Variants in ARIH1 observed in about 807,000 individuals in gnomAD.
ARIH1 encodes the protein ariadne RBR E3 ubiquitin protein ligase 1.
Under a neutral mutation model 85.0 loss-of-function variants are expected in ARIH1, and 8 were observed. The observed-to-expected ratio is 0.09, with a 90% CI of 0.06 to 0.17. ARIH1 has a LOEUF of 0.17. Among genes scored for constraint, ARIH1 ranks in the 10% least tolerant of loss-of-function variants. ARIH1 has a pLI of 1.00. For synonymous variants in ARIH1, 238 were observed against 253.6 expected (o/e 0.94, Z 0.59); for missense variants, 311 against 718.1 (o/e 0.43, Z 6.48).
chr15:72,558,941 G>A (rs1052453324), intron 5 of ARIH1, among the ~76,000 whole-genome samples: 1 of 152,102 alleles, frequency 6.6e-6, no homozygotes, highest in African/African-American at 2.4e-5. Flanking sequence ...TGGCAATCAA[G>A]GCATCTGACT....
chr15:72,548,538 G>A (rs1486655975), intron 3 of ARIH1, among the ~76,000 whole-genome samples: 1 of 152,126 alleles, frequency 6.6e-6, no homozygotes, highest in Non-Finnish European at 1.5e-5. Flanking sequence ...GGATAAGATA[G>A]CAAAAGGAAC....
chr15:72,538,570 C>T (rs779483814), intron 2 of ARIH1, among the ~76,000 whole-genome samples: 15 of 152,182 alleles, frequency 9.9e-5, no homozygotes, highest in Non-Finnish European at 2.1e-4. Context: ...ACTCAGGATT[C>T]AAGAAGAAGC....
At chr15:72,543,227 G>C (rs186677105) in intron 2 of ARIH1, among the ~76,000 whole-genome samples, 3 of 151,896 alleles carry the variant, frequency 2.0e-5, no homozygotes, top group Non-Finnish European at 2.9e-5. Context: ...GAGCCACCGC[G>C]GCGCCTGTAA....
chr15:72,533,799 C>A (rs1338745257), intron 2 of ARIH1, among the ~76,000 whole-genome samples: 2 of 152,018 alleles, frequency 1.3e-5, no homozygotes, highest in Non-Finnish European at 2.9e-5. Flanking sequence ...CCCAGCTACT[C>A]AGGAGGCTGA....
At chr15:72,502,931 C>G (rs1567341121) in intron 1 of ARIH1, among the ~76,000 whole-genome samples, 2 of 152,168 alleles carry the variant, frequency 1.3e-5, no homozygotes, top group Non-Finnish European at 2.9e-5. Flanking sequence ...TTACCTTTTA[C>G]CTTCCTTCTC....
intron 1 of ARIH1, among the ~76,000 whole-genome samples, chr15:72,502,607 C>A (rs1310529204): frequency 3.9e-5 from 6 of 152,062 alleles, no homozygotes; most frequent in Non-Finnish European, 7.4e-5. Flanking sequence ...GAGTTTCAGA[C>A]CAGCCAGGGC....
chr15:72,475,947 G>GA (rs541773190), intron 1 of ARIH1, among the ~76,000 whole-genome samples: 166 of 147,788 alleles, frequency 1.1e-3, no homozygotes, highest in East Asian at 3.9e-4. Context: ...TTCATTTGGG[G>GA]AAAAAAAAAA....
At chr15:72,563,329 G>A in intron 6 of ARIH1, 65 bp from the exon 7 acceptor site, 1 of 1,431,474 alleles carries the variant, frequency 7.0e-7, no homozygotes, top group Non-Finnish European at 9.8e-7. Context: ...TAAGTTCTGG[G>A]ATTATAGGTG....
In ARIH1 at chr15:72,474,897, T is replaced by G. The variant is rs1428150266; in HGVS notation, c.258T>G (p.Gly86=). ...PGGGGGGGGG[G]GGGGPGHEQE... ...GTGGCGGCGGCGGCGGCGGCGGCGG[T>G]GGTGGTGGCGGGCCGGGGCATGAGC... Residue 86 remains glycine, a synonymous_variant, in exon 1 of 14, where the codon GGT becomes GGG. Coordinates refer to ENST00000379887, the MANE Select transcript of ARIH1 (RefSeq NM_005744.5). 4 of 1,393,978 alleles carry G rather than the reference T, an allele frequency of 2.9e-6. No homozygotes were observed. Among genetic ancestry groups the G allele is most frequent in the Admixed American group, 5.2e-5 (2 of 38,358 alleles). The allele number at this position is 1,393,978 out of a possible 1,614,324, so 86.4% of individuals were successfully genotyped here. A position where few individuals can be genotyped will look rare whatever the true frequency, so the allele number is the denominator to read the frequency against.
chr15:72,585,699 TAC>T lies in ARIH1; in HGVS notation c.*2408_*2409del, dbSNP rs2064313326. 1.3e-5 allele frequency: 2 copies of T among 152,208 alleles called. No homozygotes were observed. The highest frequency in any genetic ancestry group is 3.2e-3 in the Middle Eastern group (1 of 316). 9.4% of individuals were successfully genotyped at this position (152,208 alleles called of 1,614,324 possible). ...GATGCTTTCTATTTCAATGTTGGCATACTGCCTGAGGGTATTGCAGTTGTGGG... is the reference window on the plus strand; with the variant it reads ...GATGCTTTCTATTTCAATGTTGGCATTGCCTGAGGGTATTGCAGTTGTGGG... On this transcript the variant is annotated 3_prime_UTR_variant, in exon 14 of 14. Transcript: ENST00000379887.
chr15:72,590,415 C>T lies in ARIH1; in HGVS notation c.*7123C>T, dbSNP rs1231963772. 1 of 152,186 alleles carries T rather than the reference C, an allele frequency of 6.6e-6. No homozygotes were observed. The highest frequency in any genetic ancestry group is 2.1e-4 in the South Asian group (1 of 4,832). 9.4% of individuals were successfully genotyped at this position (152,186 alleles called of 1,614,324 possible). Reference sequence around the variant, plus strand: ...AACAGATGCCTCTTTCGTTGGTGACCTCAGATACACTGTTCAGAAGTACTC... The same window carrying T: ...AACAGATGCCTCTTTCGTTGGTGACTTCAGATACACTGTTCAGAAGTACTC... On this transcript the variant is annotated 3_prime_UTR_variant, in exon 14 of 14. Transcript: ENST00000379887.
chr15:72,594,858 A>T lies in ARIH1; in HGVS notation c.*11566A>T, dbSNP rs1235043469. 2 of 109,078 alleles carry T rather than the reference A, an allele frequency of 1.8e-5. No individual in the cohort carries two copies. Among genetic ancestry groups the T allele is most frequent in the African/African-American group, 7.6e-5 (2 of 26,300 alleles). 6.8% of individuals were successfully genotyped at this position (109,078 alleles called of 1,614,324 possible). A position where few individuals can be genotyped will look rare whatever the true frequency, so the allele number is the denominator to read the frequency against. On this transcript the variant is annotated 3_prime_UTR_variant, in exon 14 of 14. Transcript: ENST00000379887. ...TTTTTTGTCTTTCTCCACTGGCTAC[A>T]ATATCTAGTGCAATGTTTAACGTGT...
intron 3 of ARIH1, among the ~76,000 whole-genome samples, chr15:72,553,821 G>T (rs912526762): frequency 3.3e-5 from 5 of 152,164 alleles, no homozygotes; most frequent in African/African-American, 1.2e-4. Flanking sequence ...GGAGACTGAG[G>T]CAGAAGAATC....
At chr15:72,557,813 C>T (rs1371563328) in intron 5 of ARIH1, among the ~76,000 whole-genome samples, 2 of 152,058 alleles carry the variant, frequency 1.3e-5, no homozygotes, top group Admixed American at 1.3e-4. Flanking sequence ...TGGCTATTAT[C>T]GATAGGATTG....
intron 3 of ARIH1, among the ~76,000 whole-genome samples, chr15:72,550,839 CTTTTG>C (rs1274232735): frequency 2.0e-5 from 3 of 151,928 alleles, no homozygotes; most frequent in Non-Finnish European, 4.4e-5. Flanking sequence ...GCCCAGCTAA[CTTTTG>C]TAGTTTTAGT....
chr15:72,517,426 C>T (rs748555502), intron 1 of ARIH1, among the ~76,000 whole-genome samples: 3 of 151,800 alleles, frequency 2.0e-5, no homozygotes, highest in Non-Finnish European at 4.4e-5. Context: ...TTTTTTAAAA[C>T]AAATTTTTTT....
At chr15:72,518,163 T>A (rs765111326) in intron 2 of ARIH1, 29 bp downstream of exon 2, 1 of 1,553,122 alleles carries the variant, frequency 6.4e-7, no homozygotes, top group South Asian at 1.2e-5. Context: ...AGCTTTGTAC[T>A]TAGAAGTAAC....
At chr15:72,538,362 C>T (rs929932778) in intron 2 of ARIH1, among the ~76,000 whole-genome samples, 1 of 152,104 alleles carries the variant, frequency 6.6e-6, no homozygotes, top group Admixed American at 6.6e-5. Flanking sequence ...TCCCTCTCCC[C>T]CGCAAATAAA....
intron 3 of ARIH1, among the ~76,000 whole-genome samples, chr15:72,553,849 G>A (rs1396464193): frequency 1.3e-5 from 2 of 152,120 alleles, no homozygotes; most frequent in Non-Finnish European, 2.9e-5. Flanking sequence ...CCTGGGAGGC[G>A]AAGGTTGCAG....
Sources: gnomAD v4.1 joint callset for allele counts (sites outside exome capture counted in the v4.1 genomes callset) on GRCh38, gnomAD v4.1.1 for gene constraint, MANE v1.5 for transcripts, NCBI Gene and HGNC (gene_info 2026-07-23, HGNC 2026-07-21) for gene names.